Variants in SLC22A25 observed in about 807,000 individuals in gnomAD.
The protein encoded by SLC22A25 is MGI:2442751, MGI:2385316, MGI:3042283, MGI:3645714, MGI:3605624, MGI:2442750.
Under a neutral mutation model 45.9 loss-of-function variants are expected in SLC22A25, and 44 were observed. That is an observed-to-expected ratio of 0.96 (90% CI 0.75 to 1.23). The LOEUF is 1.23. Ranked by LOEUF, SLC22A25 falls within the 50% of genes most tolerant of loss-of-function variation. The probability of loss-of-function intolerance (pLI) is 0.00; values close to 1 mark genes in which losing one functional copy is unlikely to be tolerated. For missense variants in SLC22A25, 800 were observed against 666.4 expected (o/e 1.20, Z -2.21); for synonymous variants, 283 against 238.6 (o/e 1.19, Z -1.72).
chr11:63,236,618 T>G (rs1392364980), intron 3 of SLC22A25, among the ~76,000 whole-genome samples: 7 of 152,092 alleles, frequency 4.6e-5, no homozygotes, highest in Non-Finnish European at 1.0e-4. Context: ...CACCCTGCTT[T>G]GGCTCATGCA....
intron 9 of SLC22A25, among the ~76,000 whole-genome samples, chr11:63,176,682 T>C (rs1288405113): frequency 3.3e-5 from 5 of 152,036 alleles, no homozygotes; most frequent in African/African-American, 9.6e-5. Context: ...CTTTCCTATT[T>C]AGATGCTTTT....
intron 1 of SLC22A25, among the ~76,000 whole-genome samples, chr11:63,241,206 T>C (rs2090242250): frequency 6.6e-6 from 1 of 152,160 alleles, no homozygotes; most frequent in African/African-American, 2.4e-5. Flanking sequence ...TGAACCATAA[T>C]ATAGTTGCAA....
chr11:63,214,154 C>CTT (rs2089651011), intron 7 of SLC22A25, among the ~76,000 whole-genome samples: 1 of 152,108 alleles, frequency 6.6e-6, no homozygotes, highest in Admixed American at 6.6e-5. Context: ...GATTCAAAAC[C>CTT]CTCTGGTGGG....
chr11:63,163,682 G>C lies in SLC22A25; in HGVS notation c.*142C>G. 1 of 1,224,666 alleles carries C rather than the reference G, an allele frequency of 8.2e-7. No individual in the cohort carries two copies. The highest frequency in any genetic ancestry group is 1.1e-6 in the Non-Finnish European group (1 of 892,362). The allele number at this position is 1,224,666 out of a possible 1,614,324, so 75.9% of individuals were successfully genotyped here. A position where few individuals can be genotyped will look rare whatever the true frequency, so the allele number is the denominator to read the frequency against. On this transcript the variant is annotated 3_prime_UTR_variant, in exon 12 of 12. Coordinates refer to ENST00000306494, the MANE Select transcript of SLC22A25 (RefSeq NM_199352.6). Reference sequence around the variant, plus strand: ...GAGATGGTCTGTGTGATCTAGTGAGGCTCAGGGGATGTATGAGGTCACTGT... The same window carrying C: ...GAGATGGTCTGTGTGATCTAGTGAGCCTCAGGGGATGTATGAGGTCACTGT...
intron 4 of SLC22A25, 116 bp downstream of exon 4, chr11:63,229,135 T>A (rs1462939069): frequency 9.0e-7 from 1 of 1,107,780 alleles, no homozygotes; most frequent in African/African-American, 1.5e-5. Flanking sequence ...TAATGTTTCC[T>A]GAAAGAATGA....
intron 8 of SLC22A25, among the ~76,000 whole-genome samples, chr11:63,182,569 C>T (rs1317663374): frequency 6.6e-6 from 1 of 151,486 alleles, no homozygotes; most frequent in African/African-American, 2.4e-5. Context: ...TCAACATTTC[C>T]TTTTTAAAAA....
intron 3 of SLC22A25, among the ~76,000 whole-genome samples, chr11:63,236,416 C>A (rs1229628375): frequency 6.6e-6 from 1 of 152,164 alleles, no homozygotes; most frequent in Non-Finnish European, 1.5e-5. Flanking sequence ...ATGAGTGAGG[C>A]TCTATGGGCA....
At chr11:63,225,906 T>C (rs2089952793) in intron 5 of SLC22A25, among the ~76,000 whole-genome samples, 1 of 152,122 alleles carries the variant, frequency 6.6e-6, no homozygotes, top group South Asian at 2.1e-4. Flanking sequence ...GCTTGATCAA[T>C]TCTGTTGTTA....
intron 11 of SLC22A25, among the ~76,000 whole-genome samples, chr11:63,164,299 T>C (rs1195261783): frequency 6.6e-6 from 1 of 152,224 alleles, no homozygotes; most frequent in African/African-American, 2.4e-5. Flanking sequence ...AACATCAACC[T>C]TTCAGGTGGT....
At chr11:63,229,193 T>C (rs1332016239) in intron 4 of SLC22A25, 58 bp downstream of exon 4, 7 of 1,451,760 alleles carry the variant, frequency 4.8e-6, no homozygotes, top group Non-Finnish European at 6.4e-6. Context: ...CAATCATTTC[T>C]TGTGTTATTC....
intron 7 of SLC22A25, among the ~76,000 whole-genome samples, chr11:63,200,235 A>G (rs957353827): frequency 6.6e-6 from 1 of 151,314 alleles, no homozygotes; most frequent in Non-Finnish European, 1.5e-5. Flanking sequence ...TCCTTGATGA[A>G]CATCAGTGCA....
chr11:63,224,905 C>T (rs1003567922), intron 5 of SLC22A25, among the ~76,000 whole-genome samples: 3 of 152,148 alleles, frequency 2.0e-5, no homozygotes, highest in African/African-American at 7.2e-5. Context: ...GGAGACCATC[C>T]TGGCTAACAC....
intron 5 of SLC22A25, among the ~76,000 whole-genome samples, chr11:63,226,509 C>T (rs1176767679): frequency 6.6e-6 from 1 of 152,162 alleles, no homozygotes; most frequent in Non-Finnish European, 1.5e-5. Flanking sequence ...GTCTTTCTCT[C>T]TGTTCTGAGC....
At chr11:63,183,155 T>C (rs2088391088) in intron 8 of SLC22A25, among the ~76,000 whole-genome samples, 1 of 152,136 alleles carries the variant, frequency 6.6e-6, no homozygotes, top group Non-Finnish European at 1.5e-5. Context: ...TTATAGTAAG[T>C]AGAAGAAACT....
chr11:63,219,262 A>G (rs2134820238), intron 5 of SLC22A25, among the ~76,000 whole-genome samples: 1 of 148,812 alleles, frequency 6.7e-6, no homozygotes, highest in Non-Finnish European at 1.5e-5. Context: ...TTCACAGCCT[A>G]TAAAATTCAA....
At chr11:63,164,406 T>C (rs988644373) in intron 11 of SLC22A25, 120 bp downstream of exon 11, 3 of 900,480 alleles carry the variant, frequency 3.3e-6, no homozygotes, top group Admixed American at 2.4e-5. Flanking sequence ...GTTGTTTTTA[T>C]GACTATTACA....
chr11:63,166,462 G>A, intron 9 of SLC22A25: 1 of 1,399,620 alleles, frequency 7.1e-7, no homozygotes. Context: ...GTATCTTGAG[G>A]GACAACAGAT....
In SLC22A25 at chr11:63,229,161, A is replaced by G. The variant is rs115459222; in HGVS notation, c.402+90T>C. On this transcript the variant is annotated intron_variant, in intron 4 of 11. Transcript: ENST00000306494. The stretch of plus-strand genomic sequence containing the variant: ...GAAAGAATGAAGAATAAGCACCTAC[A>G]TGTGACTAAAGGCTGGAAGCACAAT... 588 of 1,344,174 alleles carry G rather than the reference A, an allele frequency of 4.4e-4. 5 individuals carry two copies. The African/African-American group carries it at 7.7e-3, about 18-fold the overall frequency. The allele number at this position is 1,344,174 out of a possible 1,614,324, so 83.3% of individuals were successfully genotyped here.
intron 9 of SLC22A25, among the ~76,000 whole-genome samples, chr11:63,177,905 T>TATATATA (rs1180988553): frequency 1.4e-5 from 2 of 144,790 alleles, no homozygotes; most frequent in Non-Finnish European, 3.0e-5. Context: ...ATATAATGTA[T>TATATATA]ATCCCATTTT....
Sources: gnomAD v4.1 joint callset for allele counts (sites outside exome capture counted in the v4.1 genomes callset) on GRCh38, gnomAD v4.1.1 for gene constraint, MANE v1.5 for transcripts, NCBI Gene and HGNC (gene_info 2026-07-23, HGNC 2026-07-21) for gene names.